Variants in SIK3 observed in about 807,000 individuals in gnomAD.
The protein encoded by SIK3 is serine/threonine-protein kinase SIK3.
SIK3 carries 28 observed loss-of-function variants against 144.2 expected under a neutral mutation model. The observed-to-expected ratio is 0.19, with a 90% confidence interval of 0.14 to 0.27. The LOEUF (loss-of-function observed/expected upper bound fraction) is 0.27. Among genes scored for constraint, SIK3 ranks in the 10% least tolerant of loss-of-function variants. SIK3 has a pLI of 1.00. For missense variants in SIK3, 1,319 were observed against 1,776.0 expected (o/e 0.74, Z 4.62); for synonymous variants, 686 against 676.3 (o/e 1.01, Z -0.22).
At chr11:116,959,053 G>A (rs572789441) in intron 1 of SIK3, among the ~76,000 whole-genome samples, 1 of 152,168 alleles carries the variant, frequency 6.6e-6, no homozygotes, top group African/African-American at 2.4e-5. Context: ...TATCCCCATA[G>A]CAGAGCTGCC....
chr11:116,959,204 T>C (rs1949252918), intron 1 of SIK3, among the ~76,000 whole-genome samples: 1 of 152,032 alleles, frequency 6.6e-6, no homozygotes, highest in African/African-American at 2.4e-5. Context: ...CATGGTAGCA[T>C]GTGTCTGTAG....
rs1210920525 is a variant in SIK3, at chr11:116,875,270, G to A, written c.1318-3C>T. 1 of 1,613,904 alleles carries A rather than the reference G, an allele frequency of 6.2e-7. No homozygotes were observed. The highest frequency in any genetic ancestry group is 8.5e-7 in the Non-Finnish European group (1 of 1,179,800). ...TCCAAATTCAGTGTCCCATCCGGCT[G>A]AGGTGGAGGGAAACACCATCGAGTT... On this transcript the variant is annotated splice_region_variant and splice_polypyrimidine_tract_variant and intron_variant, in intron 10 of 24. Coordinates refer to ENST00000445177, the MANE Select transcript of SIK3 (RefSeq NM_001366686.3).
intron 1 of SIK3, among the ~76,000 whole-genome samples, chr11:117,070,082 T>C (rs1954196768): frequency 6.6e-6 from 1 of 152,212 alleles, no homozygotes; most frequent in Non-Finnish European, 1.5e-5. Flanking sequence ...CTTAGCTCTA[T>C]TCCTTAGTCA....
intron 1 of SIK3, among the ~76,000 whole-genome samples, chr11:117,027,142 G>A (rs1252874822): frequency 1.3e-5 from 2 of 152,262 alleles, no homozygotes; most frequent in East Asian, 3.9e-4. Context: ...CGATGAAAAA[G>A]CAACAGCTTT....
intron 1 of SIK3, among the ~76,000 whole-genome samples, chr11:116,983,183 G>A (rs1056386050): frequency 2.7e-5 from 4 of 145,718 alleles, no homozygotes; most frequent in African/African-American, 7.7e-5. Flanking sequence ...GCCAAGATTC[G>A]GCCACTGCAC....
intron 1 of SIK3, among the ~76,000 whole-genome samples, chr11:117,019,119 T>C (rs937459482): frequency 9.9e-5 from 15 of 151,020 alleles, no homozygotes; most frequent in Admixed American, 8.6e-4. Context: ...TCCCGGGTTC[T>C]AGCAATTCTC....
intron 3 of SIK3, among the ~76,000 whole-genome samples, chr11:116,937,416 G>C (rs929272642): frequency 1.6e-4 from 25 of 152,126 alleles, no homozygotes; most frequent in Non-Finnish European, 2.9e-5. Flanking sequence ...GAATCAAATA[G>C]AAGAACATTT....
chr11:117,028,790 G>A (rs955471091), intron 1 of SIK3, among the ~76,000 whole-genome samples: 8 of 152,172 alleles, frequency 5.3e-5, no homozygotes, highest in Non-Finnish European at 1.2e-4. Context: ...AGGCTCATGG[G>A]TGCCATGCTA....
At chr11:117,003,470 T>C (rs1950930168) in intron 1 of SIK3, among the ~76,000 whole-genome samples, 1 of 152,094 alleles carries the variant, frequency 6.6e-6, no homozygotes, top group Non-Finnish European at 1.5e-5. Context: ...CATAAGGTTG[T>C]TCTCAGGATG....
At chr11:116,962,953 G>T (rs493101) in intron 1 of SIK3, among the ~76,000 whole-genome samples, 5 of 151,196 alleles carry the variant, frequency 3.3e-5, no homozygotes, top group Non-Finnish European at 1.5e-5. Flanking sequence ...TCTCTTGGAC[G>T]GCACTGATCC....
rs1591340462 is a variant in SIK3 at position 116,844,651 on chromosome 11, A to G, written c.*992T>C. On this transcript the variant is annotated 3_prime_UTR_variant, in exon 25 of 25. Transcript: ENST00000445177. The stretch of plus-strand genomic sequence containing the variant: ...TATAATATATTATATTATATATTAT[A>G]TATATAATATATATATACACATATA... 1 of 108,196 alleles carries G rather than the reference A, an allele frequency of 9.2e-6. No homozygotes were observed. The highest frequency in any genetic ancestry group is 4.3e-5 in the African/African-American group (1 of 23,006). The allele number at this position is 108,196 out of a possible 1,614,324, so 6.7% of individuals were successfully genotyped here. A position where few individuals can be genotyped will look rare whatever the true frequency, so the allele number is the denominator to read the frequency against.
At chr11:117,032,992 C>G (rs1443661622) in intron 1 of SIK3, among the ~76,000 whole-genome samples, 3 of 152,116 alleles carry the variant, frequency 2.0e-5, no homozygotes, top group East Asian at 3.8e-4. Flanking sequence ...TTTGTCCTTA[C>G]AAAAAGGTCC....
chr11:116,949,307 A>C (rs12421834), intron 3 of SIK3, among the ~76,000 whole-genome samples: 11,078 of 152,242 alleles, frequency 0.073, 490 homozygotes, highest in Middle Eastern at 0.11. Context: ...GTATGCCTAC[A>C]GTTAGTTACC....
chr11:116,871,832 G>A (rs972151598), intron 13 of SIK3, among the ~76,000 whole-genome samples: 7 of 152,176 alleles, frequency 4.6e-5, no homozygotes, highest in African/African-American at 7.2e-5. Flanking sequence ...CCAAGAGGAG[G>A]AGCAGGTTTT....
At chr11:117,054,651 G>C (rs962724985) in intron 1 of SIK3, among the ~76,000 whole-genome samples, 7 of 152,188 alleles carry the variant, frequency 4.6e-5, no homozygotes, top group African/African-American at 1.7e-4. Context: ...GTACTTGATA[G>C]GCCAGGTGTG....
chr11:116,855,083 C>CAAAAAAAAAAAAAAAAAAAA (rs528405922), intron 21 of SIK3, among the ~76,000 whole-genome samples: 3 of 82,092 alleles, frequency 3.7e-5, no homozygotes, highest in African/African-American at 7.2e-5. Flanking sequence ...GAGACTCTGC[C>CAAAAAAAAAAAAAAAAAAAA]AAAAAAAAAA....
intron 6 of SIK3, among the ~76,000 whole-genome samples, chr11:116,890,007 G>A (rs1361047574): frequency 6.6e-6 from 1 of 152,172 alleles, no homozygotes; most frequent in Non-Finnish European, 1.5e-5. Context: ...CTCTCCAGAG[G>A]GGCTTTTGGA....
intron 1 of SIK3, among the ~76,000 whole-genome samples, chr11:117,032,191 A>G (rs912359779): frequency 2.0e-5 from 3 of 152,132 alleles, no homozygotes; most frequent in Non-Finnish European, 2.9e-5. Context: ...AATCTTGCCT[A>G]TATCTACAAA....
At chr11:117,049,534 C>T (rs372272680) in intron 1 of SIK3, among the ~76,000 whole-genome samples, 4 of 151,742 alleles carry the variant, frequency 2.6e-5, no homozygotes, top group African/African-American at 9.7e-5. Flanking sequence ...GCCGAGATCG[C>T]GCCACTGCAT....
Sources: gnomAD v4.1 joint callset for allele counts (sites outside exome capture counted in the v4.1 genomes callset) on GRCh38, gnomAD v4.1.1 for gene constraint, MANE v1.5 for transcripts, NCBI Gene and HGNC (gene_info 2026-07-23, HGNC 2026-07-21) for gene names.